Variants in FMN2 observed in about 807,000 individuals in gnomAD.
FMN2 encodes the protein formin-2.
FMN2 carries 51 observed loss-of-function variants against 142.3 expected under a neutral mutation model. The ratio of observed to expected loss-of-function variants is 0.36; its 90% CI spans 0.29 to 0.45. The LOEUF is 0.45. FMN2 is among the 20% of genes least tolerant of loss of function. The pLI is 1.00. For missense variants in FMN2, 1,936 were observed against 2,122.8 expected (o/e 0.91, Z 1.73); for synonymous variants, 882 against 869.8 (o/e 1.01, Z -0.25).
intron 3 of FMN2, among the ~76,000 whole-genome samples, chr1:240,182,585 C>G (rs986474825): frequency 6.6e-6 from 1 of 152,044 alleles, no homozygotes; most frequent in Non-Finnish European, 1.5e-5. Context: ...AAGATTTGAG[C>G]AGCTTATAAA....
chr1:240,338,354 C>T (rs1671632366), intron 13 of FMN2, among the ~76,000 whole-genome samples: 1 of 152,136 alleles, frequency 6.6e-6, no homozygotes. Context: ...TTAAATTGTT[C>T]ATTTCTGATA....
intron 7 of FMN2, among the ~76,000 whole-genome samples, chr1:240,269,889 C>G (rs1176068361): frequency 6.6e-6 from 1 of 151,818 alleles, no homozygotes; most frequent in Non-Finnish European, 1.5e-5. Context: ...CTTTTGTATC[C>G]TGCAACTTAA....
intron 3 of FMN2, among the ~76,000 whole-genome samples, chr1:240,181,253 C>G (rs1448096229): frequency 2.0e-5 from 3 of 152,258 alleles, no homozygotes. Flanking sequence ...ATCCACTCCC[C>G]TCGGCCTCCC....
intron 2 of FMN2, chr1:240,144,020 G>C: frequency 5.2e-6 from 6 of 1,155,164 alleles, no homozygotes; most frequent in Non-Finnish European, 7.9e-6. Context: ...CCAGACCCCA[G>C]AGTTCACTAT....
chr1:240,347,537 T>G lies in FMN2; in HGVS notation c.4766-8279T>G, dbSNP rs1199915304. 3.9e-5 allele frequency among the ~76,000 whole-genome samples: 6 copies of G among 152,266 alleles called. No individual in the cohort carries two copies. The East Asian group carries it at 1.2e-3, about 29-fold the overall frequency. ...GTGGAGATTACTTTTCTTTTTTACTTTATATCTTGGGGTTTTCTTCAACTT... is the reference window on the plus strand; with the variant it reads ...GTGGAGATTACTTTTCTTTTTTACTGTATATCTTGGGGTTTTCTTCAACTT... On this transcript the variant is annotated intron_variant, in intron 13 of 17. Transcript: ENST00000319653.
chr1:240,159,909 A>ATATATATATATATATATATATATTTGTG (rs1664194139), intron 2 of FMN2, among the ~76,000 whole-genome samples: 6 of 78,242 alleles, frequency 7.7e-5, no homozygotes, highest in Non-Finnish European at 1.2e-4. Flanking sequence ...ATCTGTGTAT[A>ATATATATATATATATATATATATTTGTG]TATATATATA....
chr1:240,323,248 G>A (rs570514742), intron 8 of FMN2, among the ~76,000 whole-genome samples: 1 of 150,418 alleles, frequency 6.6e-6, no homozygotes, highest in African/African-American at 2.5e-5. Flanking sequence ...AGGCTGGAGT[G>A]CAGTGGCCCA....
chr1:240,331,427 G>C (rs973639932), intron 11 of FMN2, among the ~76,000 whole-genome samples: 2 of 151,554 alleles, frequency 1.3e-5, no homozygotes, highest in South Asian at 4.2e-4. Context: ...AGTCTGAGAC[G>C]GTAAACTTAA....
chr1:240,308,285 A>G (rs1670481240), intron 8 of FMN2, among the ~76,000 whole-genome samples: 1 of 152,178 alleles, frequency 6.6e-6, no homozygotes, highest in African/African-American at 2.4e-5. Context: ...AGTTACTTAG[A>G]GATAAATTGG....
intron 2 of FMN2, among the ~76,000 whole-genome samples, chr1:240,155,943 A>G (rs1242570235): frequency 6.6e-6 from 1 of 150,780 alleles, no homozygotes; most frequent in African/African-American, 2.4e-5. Flanking sequence ...TTATAAATAT[A>G]TATCACCGTA....
At chr1:240,224,449 A>T (rs573908814) in intron 6 of FMN2, among the ~76,000 whole-genome samples, 1 of 152,096 alleles carries the variant, frequency 6.6e-6, no homozygotes, top group South Asian at 2.1e-4. Context: ...GCTGAGAAGA[A>T]TGTATATTCT....
chr1:240,091,928 T>C lies in FMN2; in HGVS notation c.-182T>C, dbSNP rs963210536. 10 of 1,057,626 alleles carry C rather than the reference T, an allele frequency of 9.5e-6. No homozygotes were observed. The highest frequency in any genetic ancestry group is 1.3e-5 in the Non-Finnish European group (10 of 792,052). 65.5% of individuals were successfully genotyped at this position (1,057,626 alleles called of 1,614,324 possible). ...GGCAGCCACGGGAGCCGCCGCGCATTATGCAAAGCGGCGGCAGATGCGAGC... is the reference window on the plus strand; with the variant it reads ...GGCAGCCACGGGAGCCGCCGCGCATCATGCAAAGCGGCGGCAGATGCGAGC... On this transcript the variant is annotated 5_prime_UTR_variant, in exon 1 of 18. Coordinates refer to ENST00000319653, the MANE Select transcript of FMN2 (RefSeq NM_020066.5).
Position 240,208,726 on chromosome 1 carries a change from G to A in FMN2, c.3914G>A (p.Ser1305Asn), listed in dbSNP as rs1666556521. 6.2e-7 allele frequency: 1 copy of A among 1,604,954 alleles called. No individual in the cohort carries two copies. The highest frequency in any genetic ancestry group is 8.5e-7 in the Non-Finnish European group (1 of 1,172,984). The change falls in exon 5 of 18, where the codon AGT becomes AAT. Residue 1305 changes from serine to asparagine, a missense_variant. Around this residue, in one of 8 missense-constraint regions of FMN2, gnomAD observed 259 missense variants for 230.9 expected, o/e 1.12. Transcript: ENST00000319653. ...PLYWTRIQLH[S>N]KRDSSTSLIW... The stretch of plus-strand genomic sequence containing the variant: ...TACTGGACCAGGATTCAACTACATA[G>A]TAAAAGGTAACATGAAAGTGAGCTC...
At chr1:240,372,242 C>T (rs190113276) in intron 14 of FMN2, among the ~76,000 whole-genome samples, 2 of 152,128 alleles carry the variant, frequency 1.3e-5, no homozygotes, top group Admixed American at 1.3e-4. Context: ...TCTCAAAAAA[C>T]AAAAACTTAT....
At chr1:240,221,998 C>T (rs1572084510) in intron 6 of FMN2, among the ~76,000 whole-genome samples, 1 of 148,268 alleles carries the variant, frequency 6.7e-6, no homozygotes, top group East Asian at 2.0e-4. Context: ...TAGGTGCCCA[C>T]CAACACACCC....
At chr1:240,409,525 G>A in intron 15 of FMN2, among the ~76,000 whole-genome samples, 1 of 152,170 alleles carries the variant, frequency 6.6e-6, no homozygotes, top group Non-Finnish European at 1.5e-5. Context: ...TGTTAAAAGT[G>A]CTATTTGTAA....
rs1217471341 is a variant in FMN2 at position 240,330,549 on chromosome 1, A to C, written c.4438-54A>C. The C allele has an allele frequency of 4.6e-5, 73 of 1,582,482 alleles. 1 individual carries two copies. The highest frequency in any genetic ancestry group is 6.1e-5 in the Non-Finnish European group (71 of 1,168,890). On this transcript the variant is annotated intron_variant, in intron 10 of 17. Coordinates refer to ENST00000319653, the MANE Select transcript of FMN2 (RefSeq NM_020066.5). ...TAGCTGGCATCAACTCGATGATTCA[A>C]ACAAAACCTGGTATAAGATAAAAGT...
chr1:240,415,429 A>T (rs774444718), intron 15 of FMN2, among the ~76,000 whole-genome samples: 2 of 152,018 alleles, frequency 1.3e-5, no homozygotes, highest in Non-Finnish European at 2.9e-5. Flanking sequence ...AGAAATACCT[A>T]ATGTAGATGA....
rs550553310 is a variant in FMN2, at chr1:240,286,990, A to G, written c.4154-7832A>G. ...TACTGTCAGCTCTTCTAGATGGGGG[A>G]GTGTGTATAACTCCAGATTCCCAAA... On this transcript the variant is annotated intron_variant, in intron 7 of 17. Coordinates refer to ENST00000319653, the MANE Select transcript of FMN2 (RefSeq NM_020066.5). Among the ~76,000 whole-genome samples the G allele has an allele frequency of 2.2e-3, 332 of 151,556 alleles. 2 individuals are homozygous for G. Among genetic ancestry groups the G allele is most frequent in the Middle Eastern group, 0.017 (5 of 288 alleles).
Sources: gnomAD v4.1 joint callset for allele counts (sites outside exome capture counted in the v4.1 genomes callset) on GRCh38, gnomAD v4.1.1 for gene constraint, gnomAD v4.1.1 regional missense constraint, MANE v1.5 for transcripts, NCBI Gene and HGNC (gene_info 2026-07-23, HGNC 2026-07-21) for gene names.